Variants in FRS2 observed in about 807,000 individuals in gnomAD.
FRS2 encodes the protein FGFR signalling adaptor.
FRS2 carries 8 observed loss-of-function variants against 43.9 expected under a neutral mutation model. The ratio of observed to expected loss-of-function variants is 0.18; its 90% CI spans 0.11 to 0.33. The LOEUF (loss-of-function observed/expected upper bound fraction) is 0.33, where lower values mean the gene tolerates loss of function less well. Ranked by LOEUF, FRS2 falls within the 10% of genes least tolerant of loss-of-function variation. The pLI, the probability that FRS2 is intolerant of heterozygous loss-of-function variation, is 1.00. For missense variants in FRS2, 534 were observed against 627.6 expected, an observed-to-expected ratio of 0.85 and a Z score of 1.59; for synonymous variants, 219 against 220.3, an observed-to-expected ratio of 0.99 and a Z score of 0.05.
chr12:69,522,939 G>A (rs1168038025), intron 1 of FRS2, among the ~76,000 whole-genome samples: 1 of 152,204 alleles, frequency 6.6e-6, no homozygotes, highest in African/African-American at 2.4e-5. Context: ...ATGTTGTGGT[G>A]CAGAAAGGTA....
chr12:69,508,399 C>G (rs938086532), intron 1 of FRS2, among the ~76,000 whole-genome samples: 17 of 152,130 alleles, frequency 1.1e-4, no homozygotes, highest in Non-Finnish European at 2.2e-4. Flanking sequence ...AAGTATTTCT[C>G]TAGTGAATGA....
rs1370804173 is a variant in FRS2, at chr12:69,575,664, G to C, written c.*709G>C. On this transcript the variant is annotated 3_prime_UTR_variant, in exon 9 of 9. Transcript: ENST00000549921. Reference sequence around the variant, plus strand: ...TATCTTAAAATTATAATAGGCTCAAGAATCAGTCTCAGGTCACTTTACCCA... The same window carrying C: ...TATCTTAAAATTATAATAGGCTCAACAATCAGTCTCAGGTCACTTTACCCA... 1 of 152,732 alleles carries C rather than the reference G, an allele frequency of 6.5e-6. No homozygotes were observed. Among genetic ancestry groups the C allele is most frequent in the East Asian group, 1.9e-4 (1 of 5,192 alleles). The allele number at this position is 152,732 out of a possible 1,614,324, so 9.5% of individuals were successfully genotyped here. A position where few individuals can be genotyped will look rare whatever the true frequency, so the allele number is the denominator to read the frequency against.
At chr12:69,481,745 A>C (rs1445954919) in intron 1 of FRS2, among the ~76,000 whole-genome samples, 2 of 152,184 alleles carry the variant, frequency 1.3e-5, no homozygotes, top group African/African-American at 4.8e-5. Context: ...ATTTTACGGA[A>C]GGTTTTTCAA....
chr12:69,559,620 A>G (rs1490251274), intron 3 of FRS2, among the ~76,000 whole-genome samples: 2 of 152,142 alleles, frequency 1.3e-5, no homozygotes, highest in African/African-American at 4.8e-5. Flanking sequence ...TTTTGACATA[A>G]TGGCTCTGAT....
chr12:69,546,013 T>A (rs1465231002), intron 3 of FRS2, among the ~76,000 whole-genome samples: 1 of 152,114 alleles, frequency 6.6e-6, no homozygotes, highest in Admixed American at 6.6e-5. Context: ...GGCGAATGCT[T>A]CATGACATTG....
Position 69,578,511 on chromosome 12 carries a change from T to A in FRS2, c.*3556T>A, listed in dbSNP as rs1231703012. 6.6e-6 allele frequency: 1 copy of A among 152,490 alleles called. No homozygotes were observed. Among genetic ancestry groups the A allele is most frequent in the Non-Finnish European group, 1.5e-5 (1 of 68,026 alleles). The allele number at this position is 152,490 out of a possible 1,614,324, so 9.4% of individuals were successfully genotyped here. A position where few individuals can be genotyped will look rare whatever the true frequency, so the allele number is the denominator to read the frequency against. On this transcript the variant is annotated 3_prime_UTR_variant, in exon 9 of 9. Coordinates refer to ENST00000549921, the MANE Select transcript of FRS2 (RefSeq NM_001278356.2). ...CTGTTCCCCATCCCTACTTCCTCAT[T>A]TTTGGTATAACACAGTTCTTTTGTA...
rs1430989560 is a variant in FRS2, at chr12:69,553,360, T to C, written c.-121-8820T>C. Among the ~76,000 whole-genome samples, 4 of 152,164 alleles carry C rather than the reference T, an allele frequency of 2.6e-5. No individual in the cohort carries two copies. In the South Asian group the frequency reaches 8.3e-4, roughly 31 times the overall value. ...TGCTGGGATTACAGGCATGAGCCAC[T>C]GCGCCTGGCCCACTTGGAGCTATTT... is the stretch of plus-strand genomic sequence containing the variant. On this transcript the variant is annotated intron_variant, in intron 3 of 8. Coordinates refer to ENST00000549921, the MANE Select transcript of FRS2 (RefSeq NM_001278356.2).
At chr12:69,549,967 T>TA (rs1298550016) in intron 3 of FRS2, among the ~76,000 whole-genome samples, 2 of 152,190 alleles carry the variant, frequency 1.3e-5, no homozygotes, top group Admixed American at 6.5e-5. Context: ...CTGTAGGTCT[T>TA]ACTTTTCTTC....
intron 3 of FRS2, among the ~76,000 whole-genome samples, chr12:69,548,419 GAT>G (rs1166432210): frequency 6.6e-6 from 1 of 152,134 alleles, no homozygotes; most frequent in Non-Finnish European, 1.5e-5. Flanking sequence ...AAGATTTTTG[GAT>G]ATTAATCTTA....
chr12:69,507,752 C>T (rs1034166394), intron 1 of FRS2, among the ~76,000 whole-genome samples: 3 of 152,176 alleles, frequency 2.0e-5, no homozygotes, highest in East Asian at 3.9e-4. Context: ...CAGCCGGGCC[C>T]GGTGGCTCAC....
intron 7 of FRS2, 122 bp downstream of exon 7, chr12:69,571,556 T>G (rs1880759261): frequency 1.2e-6 from 1 of 841,498 alleles, no homozygotes; most frequent in Admixed American, 2.7e-5. Flanking sequence ...GTATAATGGT[T>G]GTCAGTTTTT....
intron 1 of FRS2, among the ~76,000 whole-genome samples, chr12:69,520,195 G>A (rs521650): frequency 0.094 from 14,219 of 150,548 alleles, 876 homozygotes; most frequent in Non-Finnish European, 0.15. Flanking sequence ...TGTTGGCCAC[G>A]TTTATGTGTT....
chr12:69,481,371 C>T (rs1425609700), intron 1 of FRS2, among the ~76,000 whole-genome samples: 1 of 151,606 alleles, frequency 6.6e-6, no homozygotes, highest in Non-Finnish European at 1.5e-5. Context: ...ACCTTGAACT[C>T]CTAGGCTCAA....
At chr12:69,494,187 G>A (rs578207579) in intron 1 of FRS2, among the ~76,000 whole-genome samples, 1 of 152,278 alleles carries the variant, frequency 6.6e-6, no homozygotes, top group African/African-American at 2.4e-5. Flanking sequence ...AGTCCAATAA[G>A]GTAAGGACTC....
intron 1 of FRS2, among the ~76,000 whole-genome samples, chr12:69,485,621 T>TACA (rs1164735115): frequency 6.6e-6 from 1 of 152,112 alleles, no homozygotes; most frequent in Non-Finnish European, 1.5e-5. Context: ...TAGCTGGGAT[T>TACA]ACAGGCTCCC....
At chr12:69,549,186 G>A (rs893951603) in intron 3 of FRS2, among the ~76,000 whole-genome samples, 9 of 152,038 alleles carry the variant, frequency 5.9e-5, no homozygotes, top group African/African-American at 1.9e-4. Context: ...ATAAAATTTC[G>A]TGAAGTCTTT....
rs1231507832 is a variant in FRS2, at chr12:69,574,071, C to A, written c.643C>A (p.Pro215Thr). The change falls in exon 9 of 9, where the codon CCA becomes ACA. Residue 215 changes from proline (P) to threonine (T), a missense_variant. This residue lies in a region of FRS2 where 446 missense variants were observed against 494.2 expected (regional missense o/e 0.90). Transcript: ENST00000549921. The stretch of plus-strand genomic sequence containing the variant: ...GAAAAACCGCACAAGTGTGCATGTT[C>A]CATTGGAGGCGAGGGTTTCTAACGC... The part of the protein sequence containing the change: ...ERKNRTSVHV[P>T]LEARVSNAES... 3.1e-6 allele frequency: 5 copies of A among 1,614,152 alleles called. No homozygotes were observed. In the East Asian group the frequency reaches 1.1e-4, roughly 36 times the overall value.
chr12:69,547,158 G>A (rs1366691966), intron 3 of FRS2, among the ~76,000 whole-genome samples: 2 of 152,212 alleles, frequency 1.3e-5, no homozygotes, highest in Non-Finnish European at 2.9e-5. Context: ...GAAGGAGGTA[G>A]TATAGTCAAA....
At chr12:69,517,811 C>T (rs1336768822) in intron 1 of FRS2, among the ~76,000 whole-genome samples, 1 of 151,986 alleles carries the variant, frequency 6.6e-6, no homozygotes, top group Non-Finnish European at 1.5e-5. Context: ...ATTTATATTG[C>T]GAACTTGAGT....
Sources: allele counts gnomAD v4.1 joint callset (sites outside exome capture counted in the v4.1 genomes callset), GRCh38; gene constraint gnomAD v4.1.1; regional missense constraint gnomAD v4.1.1; transcripts MANE v1.5; gene names NCBI Gene and HGNC (gene_info 2026-07-23, HGNC 2026-07-21).